The following KSR2 variants were observed in gnomAD, a reference collection of about 807,000 sequenced individuals.
The protein encoded by KSR2 is kinase suppressor of ras 2.
In KSR2, 25 loss-of-function variants were observed where a neutral mutation model predicts 107.8. The ratio of observed to expected loss-of-function variants is 0.23; its 90% CI spans 0.17 to 0.32. The LOEUF (loss-of-function observed/expected upper bound fraction) is 0.32. Among genes scored for constraint, KSR2 ranks in the 10% least tolerant of loss-of-function variants. The probability of loss-of-function intolerance (pLI) is 1.00; values close to 1 mark genes in which losing one functional copy is unlikely to be tolerated. For missense variants in KSR2, 887 were observed against 1,268.9 expected (o/e 0.70, Z 4.57); for synonymous variants, 480 against 507.0 (o/e 0.95, Z 0.71).
chr12:117,898,676 A>T (rs566718418), intron 1 of KSR2, among the ~76,000 whole-genome samples: 1 of 152,154 alleles, frequency 6.6e-6, no homozygotes, highest in East Asian at 1.9e-4. Flanking sequence ...CTTATGGGGT[A>T]CAGTGTCCAT....
intron 16 of KSR2, among the ~76,000 whole-genome samples, chr12:117,476,879 C>T (rs1017610481): frequency 1.2e-4 from 19 of 152,280 alleles, no homozygotes; most frequent in African/African-American, 3.9e-4. Flanking sequence ...TTGTTATTCA[C>T]GGCAGTTACG....
At chr12:117,626,208 GTTC>G (rs1882502865) in intron 5 of KSR2, among the ~76,000 whole-genome samples, 1 of 151,766 alleles carries the variant, frequency 6.6e-6, no homozygotes, top group African/African-American at 2.4e-5. Context: ...ATCTCTTTCA[GTTC>G]TGCTCTGATC....
intron 3 of KSR2, among the ~76,000 whole-genome samples, chr12:117,792,528 C>T (rs140362681): frequency 6.6e-6 from 1 of 152,326 alleles, no homozygotes; most frequent in East Asian, 1.9e-4. Flanking sequence ...AGGGATCCTA[C>T]ATGCAAAGTG....
At chr12:117,689,703 C>T (rs904963807) in intron 4 of KSR2, among the ~76,000 whole-genome samples, 10 of 129,682 alleles carry the variant, frequency 7.7e-5, no homozygotes, top group African/African-American at 1.4e-4. Flanking sequence ...ATAGTATGAC[C>T]GTATTTATAC....
At position 117,465,943 on chromosome 12, in the gene KSR2, A is replaced by T. The variant is rs1423424422; in HGVS notation, c.*1256T>A. 2 of 152,304 alleles carry T rather than the reference A, an allele frequency of 1.3e-5. No individual in the cohort carries two copies. The highest frequency in any genetic ancestry group is 4.8e-5 in the African/African-American group (2 of 41,538). 9.4% of individuals were successfully genotyped at this position (152,304 alleles called of 1,614,324 possible). ...ACAGAACACCAGGGGCTTCCCCAAC[A>T]TGGTCAGGAAGAGTCGCCGGCCCAG... On this transcript the variant is annotated 3_prime_UTR_variant, in exon 20 of 20. Transcript: ENST00000339824.
chr12:117,968,305 A>AAGGGG lies in KSR2; in HGVS notation c.-51_-50insCCCCT. 1 of 1,110,338 alleles carries AAGGGG rather than the reference A, an allele frequency of 9.0e-7. No individual in the cohort carries two copies. The highest frequency in any genetic ancestry group is 1.2e-6 in the Non-Finnish European group (1 of 858,904). 68.8% of individuals were successfully genotyped at this position (1,110,338 alleles called of 1,614,324 possible). Reference sequence around the variant, plus strand: ...CTCCTCCTCCTCCCAGAGAGAAAAAAGAGGGGGGGGAGTAGAGGTAGTCTA... The same window carrying AAGGGG: ...CTCCTCCTCCTCCCAGAGAGAAAAAAAGGGGGAGGGGGGGGAGTAGAGGTAGTCTA... On this transcript the variant is annotated 5_prime_UTR_variant, in exon 1 of 20. Transcript: ENST00000339824.
chr12:117,751,865 G>T (rs1305568279), intron 4 of KSR2, among the ~76,000 whole-genome samples: 1 of 152,088 alleles, frequency 6.6e-6, no homozygotes, highest in Non-Finnish European at 1.5e-5. Flanking sequence ...TAGCCTAAAA[G>T]GAATTACCAA....
chr12:117,828,851 G>A (rs2137105898), intron 3 of KSR2, among the ~76,000 whole-genome samples: 1 of 152,298 alleles, frequency 6.6e-6, no homozygotes, highest in South Asian at 2.1e-4. Context: ...GTCCCACTGT[G>A]AAAACAAGAA....
intron 1 of KSR2, among the ~76,000 whole-genome samples, chr12:117,916,913 A>G (rs1182586876): frequency 6.6e-6 from 1 of 152,260 alleles, no homozygotes; most frequent in East Asian, 1.9e-4. Context: ...TTTTGTCTGC[A>G]TAATTGTTTG....
At position 117,606,467 on chromosome 12, in the gene KSR2, T is replaced by C. The variant is rs1260249723; in HGVS notation, c.1172-24108A>G. Among the ~76,000 whole-genome samples the C allele has an allele frequency of 2.2e-5, 2 of 91,014 alleles. 1 individual carries two copies. Among genetic ancestry groups the C allele is most frequent in the African/African-American group, 1.0e-4 (2 of 19,268 alleles). 59.7% of individuals were successfully genotyped at this position (91,014 alleles called of 152,430 possible). A position where few individuals can be genotyped will look rare whatever the true frequency, so the allele number is the denominator to read the frequency against. ...CTCCTTCCTCCCTCCCTCCCCTCCT[T>C]CCTCCCTCCCTCCTCTCCTTCCTTC... On this transcript the variant is annotated intron_variant, in intron 5 of 19. Coordinates refer to ENST00000339824, the MANE Select transcript of KSR2 (RefSeq NM_173598.6).
At chr12:117,553,060 G>T (rs542095796) in intron 9 of KSR2, among the ~76,000 whole-genome samples, 2 of 152,332 alleles carry the variant, frequency 1.3e-5, no homozygotes, top group East Asian at 3.9e-4. Context: ...TAGATAACTG[G>T]AACAGCCCCA....
chr12:117,482,226 A>C (rs1872214033), intron 16 of KSR2, among the ~76,000 whole-genome samples: 1 of 151,906 alleles, frequency 6.6e-6, no homozygotes, highest in South Asian at 2.1e-4. Context: ...TCAGCCCCCC[A>C]GATGTTTCAG....
chr12:117,666,418 G>A lies in KSR2; in HGVS notation c.1171+1056C>T, dbSNP rs572574112. 1.6e-4 allele frequency among the ~76,000 whole-genome samples: 24 copies of A among 152,286 alleles called. No homozygotes were observed. In the East Asian group the frequency reaches 2.1e-3, roughly 13 times the overall value. On this transcript the variant is annotated intron_variant, in intron 5 of 19. Transcript: ENST00000339824. ...AAGGCATTCTGCTGAGTATTTGAGC[G>A]GTCATGGTTATCAAATGATGTGTGA...
chr12:117,643,837 C>T (rs1883493358), intron 5 of KSR2, among the ~76,000 whole-genome samples: 1 of 152,224 alleles, frequency 6.6e-6, no homozygotes, highest in South Asian at 2.1e-4. Flanking sequence ...AGCCTCCTCT[C>T]ACTCTAAATC....
intron 1 of KSR2, among the ~76,000 whole-genome samples, chr12:117,924,019 C>T (rs1895425580): frequency 6.6e-6 from 1 of 151,272 alleles, no homozygotes; most frequent in African/African-American, 2.4e-5. Context: ...GCTGGGATTA[C>T]AGGCATGCGC....
At chr12:117,587,273 G>A (rs1247484958) in intron 5 of KSR2, among the ~76,000 whole-genome samples, 1 of 152,162 alleles carries the variant, frequency 6.6e-6, no homozygotes, top group Non-Finnish European at 1.5e-5. Context: ...AAGTTACCCT[G>A]GATTACGCGG....
intron 3 of KSR2, among the ~76,000 whole-genome samples, chr12:117,813,618 A>T (rs1335127714): frequency 6.6e-6 from 1 of 152,230 alleles, no homozygotes; most frequent in African/African-American, 2.4e-5. Context: ...AATGGCTACT[A>T]TCAGAAAGAC....
Position 117,488,616 on chromosome 12 carries a change from C to T in KSR2, c.2220-2925G>A, listed in dbSNP as rs11068509. 5.8e-3 allele frequency among the ~76,000 whole-genome samples: 881 copies of T among 152,234 alleles called. 9 individuals are homozygous for T. Among genetic ancestry groups the T allele is most frequent in the African/African-American group, 0.02 (832 of 41,546 alleles). ...AAGGAGAAGTCAAAAGTCTGGAAGA[C>T]GGCCCTCCCCAGAATCTGCCCATGC... On this transcript the variant is annotated intron_variant, in intron 14 of 19. Transcript: ENST00000339824.
At chr12:117,820,520 C>T (rs950045764) in intron 3 of KSR2, among the ~76,000 whole-genome samples, 3 of 152,164 alleles carry the variant, frequency 2.0e-5, no homozygotes, top group Non-Finnish European at 4.4e-5. Context: ...ATCACTAAAT[C>T]AGATCGTTGT....
Sources: gnomAD v4.1 joint callset for allele counts (sites outside exome capture counted in the v4.1 genomes callset) on GRCh38, gnomAD v4.1.1 for gene constraint, MANE v1.5 for transcripts, NCBI Gene and HGNC (gene_info 2026-07-23, HGNC 2026-07-21) for gene names.